The following RAD54B variants were observed in gnomAD, a reference collection of about 807,000 sequenced individuals.
RAD54B encodes RAD54 homolog B.
A neutral mutation model predicts 95.8 loss-of-function variants in RAD54B; 78 were observed. The ratio of observed to expected loss-of-function variants is 0.81; its 90% CI spans 0.68 to 0.98. The LOEUF is 0.98. Among genes scored for constraint, RAD54B ranks in the 50% least tolerant of loss-of-function variants. The pLI is 0.00. For missense variants in RAD54B, 957 were observed against 1,056.6 expected (o/e 0.91, Z 1.31); for synonymous variants, 328 against 354.9 (o/e 0.92, Z 0.85).
Position 94,407,652 on chromosome 8 carries a change from C to G in RAD54B, c.568G>C (p.Glu190Gln), listed in dbSNP as rs749364309. 1.2e-6 allele frequency: 2 copies of G among 1,613,866 alleles called. No homozygotes were observed. The highest frequency in any genetic ancestry group is 2.7e-5 in the African/African-American group (2 of 74,922). The change falls in exon 5 of 15, where the codon GAA becomes CAA. Residue 190 changes from glutamate to glutamine, a missense_variant. Transcript: ENST00000336148. ...GAGATTACACCCATGACTTCTATTT[C>G]TTTTCCACAAATCATCAGTGTTTGG... ...EGQTLMICGKEIEVMGVISPD... is the reference protein window; with the variant it reads ...EGQTLMICGKQIEVMGVISPD...
intron 3 of RAD54B, among the ~76,000 whole-genome samples, chr8:94,419,032 TA>T (rs1586153319): frequency 6.6e-6 from 1 of 152,070 alleles, no homozygotes; most frequent in East Asian, 1.9e-4. Flanking sequence ...ACACTACACT[TA>T]AAGAAGGTAC....
intron 3 of RAD54B, among the ~76,000 whole-genome samples, chr8:94,422,644 AT>A (rs1229269281): frequency 2.3e-4 from 28 of 122,374 alleles, no homozygotes; most frequent in Non-Finnish European, 3.4e-4. Flanking sequence ...ATATATATAT[AT>A]ATATATATAA....
At chr8:94,446,127 T>C (rs1430333329) in intron 3 of RAD54B, among the ~76,000 whole-genome samples, 1 of 152,170 alleles carries the variant, frequency 6.6e-6, no homozygotes, top group Admixed American at 6.5e-5. Context: ...CCATTAAAAA[T>C]GTGCAAAGTT....
At chr8:94,436,979 T>A in intron 3 of RAD54B, 1 of 1,422,024 alleles carries the variant, frequency 7.0e-7, no homozygotes, top group East Asian at 2.6e-5. Context: ...CTAGCCTCAT[T>A]TAGGCCCACG....
chr8:94,471,107 C>T (rs562719725), intron 1 of RAD54B, among the ~76,000 whole-genome samples: 12 of 152,252 alleles, frequency 7.9e-5, no homozygotes, highest in Admixed American at 7.9e-4. Context: ...ATATGCACTA[C>T]CCAAGCACTT....
At chr8:94,468,689 A>C (rs3102853) in intron 1 of RAD54B, among the ~76,000 whole-genome samples, 83,208 of 151,624 alleles carry the variant, frequency 0.55, 24,515 homozygotes, top group East Asian at 0.8. Context: ...ATTAGCCAGG[A>C]GTGGTGGCGG....
intron 3 of RAD54B, among the ~76,000 whole-genome samples, chr8:94,444,791 A>T (rs1409727477): frequency 6.6e-6 from 1 of 152,124 alleles, no homozygotes; most frequent in African/African-American, 2.4e-5. Flanking sequence ...AGAAGAGTTT[A>T]CAATTGTAAA....
chr8:94,374,560 A>C (rs73270155), intron 14 of RAD54B, among the ~76,000 whole-genome samples: 74 of 152,330 alleles, frequency 4.9e-4, no homozygotes, highest in African/African-American at 1.6e-3. Flanking sequence ...ATAAGAACAC[A>C]GAGAAATTTA....
Position 94,425,061 on chromosome 8 carries a change from C to CAA in RAD54B, c.305-13748_305-13747dup, listed in dbSNP as rs71273335. Among the ~76,000 whole-genome samples, 5 of 82,350 alleles carry CAA rather than the reference C, an allele frequency of 6.1e-5. 2 individuals are homozygous for CAA. The highest frequency in any genetic ancestry group is 9.2e-5 in the African/African-American group (2 of 21,842). The allele number at this position is 82,350 out of a possible 152,430, so 54.0% of individuals were successfully genotyped here. Reference sequence around the variant, plus strand: ...TGGGTGACAGAGCGAGACCCCATCTCAAAAAAAAAAAAAAAAAAAATTCAT... The same window carrying CAA: ...TGGGTGACAGAGCGAGACCCCATCTCAAAAAAAAAAAAAAAAAAAAAATTCAT... On this transcript the variant is annotated intron_variant, in intron 3 of 14. Transcript: ENST00000336148.
chr8:94,460,302 C>T (rs1812874270), intron 2 of RAD54B, among the ~76,000 whole-genome samples: 1 of 152,182 alleles, frequency 6.6e-6, no homozygotes, highest in South Asian at 2.1e-4. Flanking sequence ...GAAACTCAGT[C>T]TCTACAAAAA....
At chr8:94,444,449 G>A (rs1174152884) in intron 3 of RAD54B, among the ~76,000 whole-genome samples, 4 of 150,816 alleles carry the variant, frequency 2.7e-5, no homozygotes, top group African/African-American at 9.7e-5. Context: ...CAACTATGAT[G>A]TATTCATACC....
intron 10 of RAD54B, 29 bp from the exon 11 acceptor site, chr8:94,387,188 G>A (rs762630102): frequency 1.3e-6 from 2 of 1,501,564 alleles, no homozygotes; most frequent in Non-Finnish European, 1.8e-6. Context: ...GTTAATGCTG[G>A]CTCAAGTTTG....
chr8:94,469,929 T>C (rs977324429), intron 1 of RAD54B, among the ~76,000 whole-genome samples: 5 of 152,208 alleles, frequency 3.3e-5, no homozygotes, highest in African/African-American at 1.2e-4. Flanking sequence ...TTATTTCCAC[T>C]AGGACTGGAT....
intron 1 of RAD54B, among the ~76,000 whole-genome samples, chr8:94,472,246 A>G (rs892130493): frequency 2.3e-4 from 35 of 152,318 alleles, no homozygotes; most frequent in Admixed American, 6.5e-4. Flanking sequence ...TGACCAAACA[A>G]GTCATGCCAA....
intron 6 of RAD54B, among the ~76,000 whole-genome samples, chr8:94,403,297 A>C (rs1439493060): frequency 6.6e-6 from 1 of 152,206 alleles, no homozygotes; most frequent in Non-Finnish European, 1.5e-5. Flanking sequence ...TCTTTAAGAT[A>C]CTACTATTCT....
In RAD54B at chr8:94,378,188, ACTT is replaced by A. The variant is rs781464824; in HGVS notation, c.2504_2506del (p.Glu835del). 5.0e-6 allele frequency: 8 copies of A among 1,607,586 alleles called. No homozygotes were observed. Among genetic ancestry groups the A allele is most frequent in the East Asian group, 2.2e-5 (1 of 44,770 alleles). ...ATTAAAATATAACTAACCTGTATGA[ACTT>A]CTTCTCCTGTACACTCACAGTCAAG... On this transcript the variant is annotated inframe_deletion, in exon 14 of 15. Coordinates refer to ENST00000336148, the MANE Select transcript of RAD54B (RefSeq NM_012415.3).
chr8:94,393,789 AT>A lies in RAD54B; in HGVS notation c.1471del (p.Ile491TyrfsTer21). On this transcript the variant is annotated frameshift_variant, in exon 9 of 15. Coordinates refer to ENST00000336148, the MANE Select transcript of RAD54B (RefSeq NM_012415.3). LOFTEE classifies it high-confidence loss of function. The part of the protein sequence containing the change: ...ILGSLSSYRK[I>X]YEEPIILSRE... Reference sequence around the variant, plus strand: ...CGATAAAATGATGGGTTCTTCATATATTTTCCTATAAGATGACAAAGAGCCT... The same window carrying A: ...CGATAAAATGATGGGTTCTTCATATATTTCCTATAAGATGACAAAGAGCCT... The A allele has an allele frequency of 6.3e-7, 1 of 1,585,336 alleles. No homozygotes were observed. The highest frequency in any genetic ancestry group is 8.7e-7 in the Non-Finnish European group (1 of 1,155,510).
chr8:94,432,675 C>T (rs1812139229), intron 3 of RAD54B: 1 of 1,458,890 alleles, frequency 6.9e-7, no homozygotes, highest in Non-Finnish European at 9.1e-7. Context: ...CACAAAAAAG[C>T]ATTATAATAT....
At chr8:94,404,941 G>A (rs2130021880) in intron 5 of RAD54B, among the ~76,000 whole-genome samples, 1 of 152,086 alleles carries the variant, frequency 6.6e-6, no homozygotes, top group East Asian at 1.9e-4. Flanking sequence ...AGCCTCCCAA[G>A]TACCTGGGAT....
Sources: gnomAD v4.1 joint callset for allele counts (sites outside exome capture counted in the v4.1 genomes callset) on GRCh38, gnomAD v4.1.1 for gene constraint, MANE v1.5 for transcripts, NCBI Gene and HGNC (gene_info 2026-07-23, HGNC 2026-07-21) for gene names.